DPYS: variants seen among roughly 807,000 people sequenced by gnomAD.
DPYS encodes the protein dihydropyrimidine amidohydrolase.
Under a neutral mutation model 50.3 loss-of-function variants are expected in DPYS, and 39 were observed. The ratio of observed to expected loss-of-function variants is 0.78; its 90% CI spans 0.60 to 1.01. The LOEUF (loss-of-function observed/expected upper bound fraction) is 1.01, where lower values mean the gene tolerates loss of function less well. DPYS is among the 50% of genes least tolerant of loss of function. The pLI is 0.00. For synonymous variants in DPYS, 245 were observed against 250.7 expected (o/e 0.98, Z 0.22); for missense variants, 659 against 680.9 (o/e 0.97, Z 0.36).
intron 7 of DPYS, among the ~76,000 whole-genome samples, chr8:104,405,186 G>A (rs1474514544): frequency 6.6e-6 from 1 of 152,200 alleles, no homozygotes; most frequent in Non-Finnish European, 1.5e-5. Flanking sequence ...TCTGTATTCC[G>A]AGTACTTTCA....
At chr8:104,404,594 A>C (rs895578167) in intron 7 of DPYS, among the ~76,000 whole-genome samples, 12 of 152,274 alleles carry the variant, frequency 7.9e-5, no homozygotes, top group African/African-American at 2.9e-4. Flanking sequence ...GCTTCCAGGC[A>C]TCAAAGGCTC....
intron 4 of DPYS, among the ~76,000 whole-genome samples, chr8:104,436,814 G>T (rs1442055377): frequency 6.6e-6 from 1 of 152,000 alleles, no homozygotes; most frequent in Non-Finnish European, 1.5e-5. Flanking sequence ...GGGCAACATA[G>T]TAAGACTATG....
intron 5 of DPYS, chr8:104,429,253 T>A (rs1403473087): frequency 2.4e-6 from 1 of 410,182 alleles, no homozygotes; most frequent in Non-Finnish European, 4.5e-6. Flanking sequence ...AAAAGTAAGG[T>A]GTAATGAAGA....
chr8:104,457,364 T>C (rs894697827), intron 1 of DPYS, among the ~76,000 whole-genome samples: 1 of 152,190 alleles, frequency 6.6e-6, no homozygotes, highest in African/African-American at 2.4e-5. Flanking sequence ...TGAGGTTTCA[T>C]CACACTACTC....
In DPYS at chr8:104,429,543, A is replaced by T; in HGVS notation, c.950+2T>A. On this transcript the variant is annotated splice_donor_variant, in intron 5 of 9. Coordinates refer to ENST00000351513, the MANE Select transcript of DPYS (RefSeq NM_001385.3). LOFTEE classifies it high-confidence loss of function. Reference sequence around the variant, plus strand: ...CTTCCCAGTCATCTGCAAAATGATTACTTAGCCAACAGATTCATGAGGAAG... The same window carrying T: ...CTTCCCAGTCATCTGCAAAATGATTTCTTAGCCAACAGATTCATGAGGAAG... The T allele has an allele frequency of 6.2e-7, 1 of 1,614,022 alleles. No individual in the cohort carries two copies. The highest frequency in any genetic ancestry group is 8.5e-7 in the Non-Finnish European group (1 of 1,179,968).
At chr8:104,412,480 G>T (rs1237249042) in intron 7 of DPYS, among the ~76,000 whole-genome samples, 1 of 152,204 alleles carries the variant, frequency 6.6e-6, no homozygotes, top group Non-Finnish European at 1.5e-5. Context: ...AGCATTGTGT[G>T]TGCGGTTAGA....
At position 104,444,514 on chromosome 8, in the gene DPYS, A is replaced by G. The variant is rs561429346; in HGVS notation, c.604-77T>C. ...AGATATCATTATTTTATCATAAATT[A>G]AATGCAATGCCAGGCTTTTGATCTG... On this transcript the variant is annotated intron_variant, in intron 3 of 9. Transcript: ENST00000351513. 13 of 1,522,854 alleles carry G rather than the reference A, an allele frequency of 8.5e-6. No individual in the cohort carries two copies. The African/African-American group carries it at 1.2e-4, about 14-fold the overall frequency. The allele number at this position is 1,522,854 out of a possible 1,614,324, so 94.3% of individuals were successfully genotyped here. A position where few individuals can be genotyped will look rare whatever the true frequency, so the allele number is the denominator to read the frequency against.
chr8:104,436,839 T>C (rs1211808301), intron 4 of DPYS, among the ~76,000 whole-genome samples: 3 of 151,346 alleles, frequency 2.0e-5, no homozygotes, highest in Non-Finnish European at 2.9e-5. Flanking sequence ...TATATAAAAA[T>C]AAATAAAAAA....
intron 7 of DPYS, chr8:104,418,934 G>T: frequency 1.1e-6 from 1 of 875,264 alleles, no homozygotes; most frequent in Non-Finnish European, 1.4e-6. Flanking sequence ...CTCAGCCTGC[G>T]GCTTGCCGAG....
chr8:104,462,164 G>C (rs889378045), intron 1 of DPYS, among the ~76,000 whole-genome samples: 1 of 151,894 alleles, frequency 6.6e-6, no homozygotes, highest in African/African-American at 2.4e-5. Context: ...AACTCTTTTT[G>C]AATTGCTCAT....
chr8:104,404,201 C>T lies in DPYS; in HGVS notation c.1236-11210G>A, dbSNP rs74657887. ...AGGCTGAATGAGATTGCCTAAGACA[C>T]AGTTGGCACATGGAAAAACTAGATC... On this transcript the variant is annotated intron_variant, in intron 7 of 9. Coordinates refer to ENST00000351513, the MANE Select transcript of DPYS (RefSeq NM_001385.3). 3.2e-3 allele frequency among the ~76,000 whole-genome samples: 492 copies of T among 152,196 alleles called. 22 individuals are homozygous for T. In the East Asian group the frequency reaches 0.088, roughly 27 times the overall value.
intron 1 of DPYS, 143 bp downstream of exon 1, chr8:104,466,514 G>T (rs1410459191): frequency 3.1e-6 from 3 of 981,728 alleles, no homozygotes; most frequent in Non-Finnish European, 4.2e-6. Flanking sequence ...TCTGACACCC[G>T]CCGGGGCTGC....
chr8:104,435,689 C>A (rs898687784), intron 4 of DPYS, among the ~76,000 whole-genome samples: 7 of 151,904 alleles, frequency 4.6e-5, no homozygotes, highest in African/African-American at 1.7e-4. Flanking sequence ...TTGCAGAATG[C>A]TAAAAGAAAA....
Position 104,428,020 on chromosome 8 carries a change from C to T in DPYS, c.1052G>A (p.Gly351Asp). ...TATTACGGACATCCGATCTTCAACA[C>T]CATTCACCCCATTGGGGATCTTGGT... ...DFTKIPNGVNGVEDRMSVIWE... is the reference protein window; with the variant it reads ...DFTKIPNGVNDVEDRMSVIWE... The change falls in exon 6 of 10, where the codon GGT becomes GAT. Residue 351 changes from glycine (G) to aspartate (D), a missense_variant. Coordinates refer to ENST00000351513, the MANE Select transcript of DPYS (RefSeq NM_001385.3). The T allele has an allele frequency of 3.7e-6, 6 of 1,614,230 alleles. No individual in the cohort carries two copies. Among genetic ancestry groups the T allele is most frequent in the Non-Finnish European group, 5.1e-6 (6 of 1,180,038 alleles).
rs563499933 is a variant in DPYS, at chr8:104,425,791, T to TA, written c.1093-1403dup. On this transcript the variant is annotated intron_variant, in intron 6 of 9. Transcript: ENST00000351513. ...ATAAAATTGGAAAGTGTTAGGGGTT[T>TA]ATCCCTATTTATATGGTAAGAGGGT... Among the ~76,000 whole-genome samples, 142 of 152,308 alleles carry TA rather than the reference T, an allele frequency of 9.3e-4. 1 individual carries two copies. The highest frequency in any genetic ancestry group is 3.5e-3 in the Admixed American group (54 of 15,302).
At chr8:104,444,551 GGT>G (rs1383099797) in intron 3 of DPYS, 114 bp from the exon 4 acceptor site, 141 of 1,133,832 alleles carry the variant, frequency 1.2e-4, no homozygotes, top group Middle Eastern at 3.9e-4. Flanking sequence ...TAGGTATAGG[GGT>G]GTGTGTGTGT....
At chr8:104,414,782 G>C (rs748959677) in intron 7 of DPYS, among the ~76,000 whole-genome samples, 40 of 152,162 alleles carry the variant, frequency 2.6e-4, no homozygotes, top group Non-Finnish European at 5.1e-4. Context: ...CTCCATAACC[G>C]ATGGCCATAA....
At chr8:104,411,540 A>G (rs1478484928) in intron 7 of DPYS, among the ~76,000 whole-genome samples, 1 of 152,228 alleles carries the variant, frequency 6.6e-6, no homozygotes, top group East Asian at 1.9e-4. Context: ...TATAACAAAA[A>G]CGTGAAGAAA....
At chr8:104,459,838 CTTCT>C (rs1386303452) in intron 1 of DPYS, among the ~76,000 whole-genome samples, 1 of 152,092 alleles carries the variant, frequency 6.6e-6, no homozygotes, top group African/African-American at 2.4e-5. Context: ...CCCATATCTC[CTTCT>C]AAGGGCCCAT....
Sources: gnomAD v4.1 joint callset for allele counts (sites outside exome capture counted in the v4.1 genomes callset) on GRCh38, gnomAD v4.1.1 for gene constraint, MANE v1.5 for transcripts, NCBI Gene and HGNC (gene_info 2026-07-23, HGNC 2026-07-21) for gene names.